Variants in GPAT3 observed in about 807,000 individuals in gnomAD.
The protein encoded by GPAT3 is glycerol-3-phosphate acyltransferase 3.
In GPAT3, 53 loss-of-function variants were observed where a neutral mutation model predicts 58.8. The observed-to-expected ratio is 0.90, with a 90% confidence interval of 0.72 to 1.13. The LOEUF (loss-of-function observed/expected upper bound fraction) is 1.13. Ranked by LOEUF, GPAT3 falls within the 50% of genes most tolerant of loss-of-function variation. GPAT3 has a pLI of 0.00. For missense variants in GPAT3, 511 were observed against 527.6 expected (o/e 0.97, Z 0.31); for synonymous variants, 197 against 187.4 (o/e 1.05, Z -0.42).
At chr4:83,579,735 A>G (rs1165762506) in intron 2 of GPAT3, among the ~76,000 whole-genome samples, 5 of 152,234 alleles carry the variant, frequency 3.3e-5, no homozygotes. Context: ...CTCAGTTTAT[A>G]AAAGACATCA....
rs1306681174 is a variant in GPAT3, at chr4:83,536,257, C to G, written c.-366C>G. 1 of 1,016,002 alleles carries G rather than the reference C, an allele frequency of 9.8e-7. No homozygotes were observed. The allele number at this position is 1,016,002 out of a possible 1,614,324, so 62.9% of individuals were successfully genotyped here. On this transcript the variant is annotated 5_prime_UTR_variant, in exon 1 of 12. Transcript: ENST00000264409. ...ATCGCCACCCAGAGGAAATCAGGCACCGGGCGGGGCGGGTTCCTGGCTGCG... is the reference window on the plus strand; with the variant it reads ...ATCGCCACCCAGAGGAAATCAGGCAGCGGGCGGGGCGGGTTCCTGGCTGCG...
In GPAT3 at chr4:83,594,677, T is replaced by C. The variant is rs550446616; in HGVS notation, c.739-168T>C. 2.0e-5 allele frequency among the ~76,000 whole-genome samples: 3 copies of C among 152,342 alleles called. No homozygotes were observed. The East Asian group carries it at 5.8e-4, about 29-fold the overall frequency. On this transcript the variant is annotated intron_variant, in intron 6 of 11. Coordinates refer to ENST00000264409, the MANE Select transcript of GPAT3 (RefSeq NM_032717.5). ...TTCAAAGGTGCTACTAAAGAATACC[T>C]TTTTGCTTACATTTGGCCTTTCAGA...
intron 2 of GPAT3, among the ~76,000 whole-genome samples, chr4:83,573,135 T>A (rs947897125): frequency 2.0e-5 from 3 of 152,038 alleles, no homozygotes; most frequent in Non-Finnish European, 2.9e-5. Flanking sequence ...TATTTTATTT[T>A]ATTTATTTAT....
At chr4:83,589,205 A>G (rs1460625197) in intron 5 of GPAT3, among the ~76,000 whole-genome samples, 1 of 152,244 alleles carries the variant, frequency 6.6e-6, no homozygotes, top group Non-Finnish European at 1.5e-5. Flanking sequence ...GGAGTTCCTA[A>G]CTTCTTATAG....
intron 1 of GPAT3, among the ~76,000 whole-genome samples, chr4:83,540,777 C>T (rs943387651): frequency 2.0e-5 from 3 of 152,158 alleles, no homozygotes; most frequent in African/African-American, 7.2e-5. Flanking sequence ...GCAACCTCCC[C>T]CTCCCGGATT....
At chr4:83,584,939 C>T (rs907087478) in intron 3 of GPAT3, among the ~76,000 whole-genome samples, 1 of 152,166 alleles carries the variant, frequency 6.6e-6, no homozygotes, top group Admixed American at 6.5e-5. Context: ...AACTGGGATA[C>T]ATAATGTTCT....
intron 2 of GPAT3, among the ~76,000 whole-genome samples, chr4:83,566,798 T>C (rs1348218241): frequency 6.6e-6 from 1 of 151,804 alleles, no homozygotes; most frequent in African/African-American, 2.4e-5. Context: ...CTTTTCTTTT[T>C]TTTTTTTCCC....
chr4:83,579,442 G>A (rs1726026575), intron 2 of GPAT3, among the ~76,000 whole-genome samples: 1 of 151,492 alleles, frequency 6.6e-6, no homozygotes, highest in Non-Finnish European at 1.5e-5. Flanking sequence ...ACAGGCACAT[G>A]CCACCATGTC....
At chr4:83,582,290 G>A (rs1726170743) in intron 3 of GPAT3, among the ~76,000 whole-genome samples, 1 of 152,238 alleles carries the variant, frequency 6.6e-6, no homozygotes, top group Non-Finnish European at 1.5e-5. Flanking sequence ...GTGGTTACAC[G>A]TGGGAGAGAG....
chr4:83,587,933 A>C (rs1332729254), intron 4 of GPAT3, among the ~76,000 whole-genome samples: 3 of 152,186 alleles, frequency 2.0e-5, no homozygotes, highest in Non-Finnish European at 4.4e-5. Flanking sequence ...AAGAAGCTTC[A>C]CTTTATCTCG....
intron 3 of GPAT3, among the ~76,000 whole-genome samples, chr4:83,583,634 T>C (rs1726248438): frequency 9.0e-6 from 1 of 111,176 alleles, no homozygotes; most frequent in Admixed American, 1.4e-4. Context: ...GCTACTACAC[T>C]CCAGCCTGGG....
chr4:83,581,561 G>T lies in GPAT3; in HGVS notation c.209-1G>T, dbSNP rs986895842. On this transcript the variant is annotated splice_acceptor_variant, in intron 2 of 11. Coordinates refer to ENST00000264409, the MANE Select transcript of GPAT3 (RefSeq NM_032717.5). LOFTEE classifies it high-confidence loss of function. ...CTCATGTCCTGATGCTTTCTTTTAA[G>T]GTATTATCCAAAGAGATGAGTCACC... 1 of 1,611,910 alleles carries T rather than the reference G, an allele frequency of 6.2e-7. No individual in the cohort carries two copies. Among genetic ancestry groups the T allele is most frequent in the Non-Finnish European group, 8.5e-7 (1 of 1,179,116 alleles).
At position 83,604,854 on chromosome 4, in the gene GPAT3, T is replaced by A; in HGVS notation, c.*87T>A. The stretch of plus-strand genomic sequence containing the variant: ...TTTTGTTTTGTTTTATTGTTTTGTT[T>A]TTATTATTGTTAATCTTTTCTACAG... On this transcript the variant is annotated 3_prime_UTR_variant, in exon 12 of 12. Transcript: ENST00000264409. 9.3e-7 allele frequency: 1 copy of A among 1,079,522 alleles called. No individual in the cohort carries two copies. Among genetic ancestry groups the A allele is most frequent in the Non-Finnish European group, 1.3e-6 (1 of 744,892 alleles). 66.9% of individuals were successfully genotyped at this position (1,079,522 alleles called of 1,614,324 possible).
chr4:83,547,465 G>T (rs1030358160), intron 2 of GPAT3, among the ~76,000 whole-genome samples: 4 of 151,518 alleles, frequency 2.6e-5, no homozygotes, highest in Non-Finnish European at 4.4e-5. Flanking sequence ...TGTTAGCCAG[G>T]ATGGTCTCGA....
chr4:83,544,564 C>T lies in GPAT3; in HGVS notation c.170C>T (p.Thr57Ile), dbSNP rs1256623047. 3.1e-6 allele frequency: 5 copies of T among 1,613,962 alleles called. No homozygotes were observed. Among genetic ancestry groups the T allele is most frequent in the Non-Finnish European group, 4.2e-6 (5 of 1,179,970 alleles). ...GCCACAATACGAATTGAAAAAGGAACCCCAAAGGAGTCGATTCTTAAAAAC... is the reference window on the plus strand; with the variant it reads ...GCCACAATACGAATTGAAAAAGGAATCCCAAAGGAGTCGATTCTTAAAAAC... ...EWATIRIEKG[T>I]PKESILKNSA... The change falls in exon 2 of 12, where the codon ACC (threonine) becomes ATC (isoleucine). Residue 57 changes from threonine (T) to isoleucine (I), a missense_variant. Physicochemically the swap from Thr to Ile is moderately conservative, Grantham distance 89 (BLOSUM62 -1). Coordinates refer to ENST00000264409, the MANE Select transcript of GPAT3 (RefSeq NM_032717.5).
intron 2 of GPAT3, among the ~76,000 whole-genome samples, chr4:83,577,271 T>G (rs1009519653): frequency 6.6e-6 from 1 of 152,102 alleles, no homozygotes; most frequent in African/African-American, 2.4e-5. Context: ...GACATGTAAA[T>G]GTAAGGTGCA....
intron 11 of GPAT3, among the ~76,000 whole-genome samples, chr4:83,601,963 A>G (rs2110112527): frequency 6.6e-6 from 1 of 152,188 alleles, no homozygotes; most frequent in East Asian, 1.9e-4. Flanking sequence ...GGAGTATGAA[A>G]CTGACTAGTC....
At chr4:83,562,225 A>AATATATATATAATATATATATATAATAT (rs1560611202) in intron 2 of GPAT3, among the ~76,000 whole-genome samples, 1 of 61,418 alleles carries the variant, frequency 1.6e-5, no homozygotes, top group African/African-American at 7.8e-5. Flanking sequence ...ATATATATAT[A>AATATATATATAATATATATATATAATAT]ATATATATAT....
At chr4:83,562,206 A>AT (rs1553944898) in intron 2 of GPAT3, among the ~76,000 whole-genome samples, 3 of 32,478 alleles carry the variant, frequency 9.2e-5, no homozygotes, top group African/African-American at 4.5e-4. Flanking sequence ...TATAATATAT[A>AT]TATATTATAT....
Sources: allele counts gnomAD v4.1 joint callset (sites outside exome capture counted in the v4.1 genomes callset), GRCh38; gene constraint gnomAD v4.1.1; transcripts MANE v1.5; gene names NCBI Gene and HGNC (gene_info 2026-07-23, HGNC 2026-07-21).